Variants in DIS3L2 observed in about 807,000 individuals in gnomAD.
The protein encoded by DIS3L2 is DIS3-like exonuclease 2.
DIS3L2 carries 34 observed loss-of-function variants against 97.5 expected under a neutral mutation model. The observed-to-expected ratio is 0.35, with a 90% CI of 0.27 to 0.46. The LOEUF (loss-of-function observed/expected upper bound fraction) is 0.46, where lower values mean the gene tolerates loss of function less well. Among genes scored for constraint, DIS3L2 ranks in the 20% least tolerant of loss-of-function variants. The pLI is 1.00. For synonymous variants in DIS3L2, 435 were observed against 445.2 expected (o/e 0.98, Z 0.29); for missense variants, 1,038 against 1,146.0 (o/e 0.91, Z 1.36).
chr2:232,026,779 A>G (rs185630717), intron 4 of DIS3L2, among the ~76,000 whole-genome samples: 60 of 152,296 alleles, frequency 3.9e-4, no homozygotes, highest in Non-Finnish European at 4.1e-4. Context: ...AAGAAAGCTA[A>G]GACACAAAAG....
intron 14 of DIS3L2, among the ~76,000 whole-genome samples, chr2:232,304,682 T>G (rs1694943875): frequency 6.6e-6 from 1 of 152,218 alleles, no homozygotes; most frequent in African/African-American, 2.4e-5. Flanking sequence ...CTGGTTGGCC[T>G]CCCGGCTGTC....
At chr2:232,018,365 T>TC (rs1220540937) in intron 3 of DIS3L2, among the ~76,000 whole-genome samples, 2 of 152,058 alleles carry the variant, frequency 1.3e-5, no homozygotes, top group Admixed American at 1.3e-4. Flanking sequence ...AGCCAGGGCC[T>TC]CCCCCCTACA....
chr2:232,263,623 T>G (rs569376835), intron 13 of DIS3L2, among the ~76,000 whole-genome samples, 183 bp downstream of exon 13: 1 of 152,266 alleles, frequency 6.6e-6, no homozygotes, highest in South Asian at 2.1e-4. Context: ...ATACAGGATA[T>G]TATGCAAAAT....
At chr2:232,189,459 G>A (rs1256865309) in intron 9 of DIS3L2, among the ~76,000 whole-genome samples, 1 of 152,162 alleles carries the variant, frequency 6.6e-6, no homozygotes, top group Non-Finnish European at 1.5e-5. Context: ...GGTTACATAT[G>A]TACTGTATGA....
rs550970090 is a variant in DIS3L2, at chr2:231,962,625, C to T, written c.-94+860C>T. The stretch of plus-strand genomic sequence containing the variant: ...AATTTTTTTGTATTTTTAGTAGAGA[C>T]GGGGTTTCACCATGTTAGTCAGGAT... On this transcript the variant is annotated intron_variant, in intron 1 of 20. Coordinates refer to ENST00000325385, the MANE Select transcript of DIS3L2 (RefSeq NM_152383.5). Among the ~76,000 whole-genome samples, 4 of 152,080 alleles carry T rather than the reference C, an allele frequency of 2.6e-5. No individual in the cohort carries two copies. The South Asian group carries it at 6.2e-4, about 24-fold the overall frequency.
rs1293123995 is a variant in DIS3L2 at position 232,086,628 on chromosome 2, T to TAC, written c.367-855_367-854dup. Reference sequence around the variant, plus strand: ...GTGTGTGTGTGTATATATATATATATACACATATATATATATGTATATATA... The same window carrying TAC: ...GTGTGTGTGTGTATATATATATATATACACACATATATATATATGTATATATA... On this transcript the variant is annotated intron_variant, in intron 5 of 20. Transcript: ENST00000325385. 4.5e-3 allele frequency among the ~76,000 whole-genome samples: 437 copies of TAC among 97,644 alleles called. 11 individuals are homozygous for TAC. The highest frequency in any genetic ancestry group is 0.017 in the African/African-American group (415 of 24,230). 64.1% of individuals were successfully genotyped at this position (97,644 alleles called of 152,430 possible). A position where few individuals can be genotyped will look rare whatever the true frequency, so the allele number is the denominator to read the frequency against.
intron 6 of DIS3L2, among the ~76,000 whole-genome samples, chr2:232,124,234 A>G (rs953519892): frequency 6.6e-6 from 1 of 152,172 alleles, no homozygotes; most frequent in Non-Finnish European, 1.5e-5. Flanking sequence ...CCCTTCAAAA[A>G]TATCATCAGA....
intron 12 of DIS3L2, among the ~76,000 whole-genome samples, chr2:232,252,717 A>G (rs1265096541): frequency 1.3e-5 from 2 of 152,150 alleles, no homozygotes; most frequent in East Asian, 1.9e-4. Flanking sequence ...CTTGGGCAAC[A>G]TATTGAAACC....
chr2:232,203,296 C>T (rs562428473), intron 9 of DIS3L2, among the ~76,000 whole-genome samples: 3 of 152,266 alleles, frequency 2.0e-5, no homozygotes, highest in East Asian at 1.9e-4. Flanking sequence ...CCCAGAGTCA[C>T]GGACAGAGGA....
intron 8 of DIS3L2, among the ~76,000 whole-genome samples, chr2:232,160,635 G>A (rs1445000734): frequency 6.6e-6 from 1 of 152,090 alleles, no homozygotes; most frequent in African/African-American, 2.4e-5. Context: ...CAGCACTTTG[G>A]GAGGCCGAGG....
intron 8 of DIS3L2, among the ~76,000 whole-genome samples, chr2:232,136,959 A>G (rs1206207134): frequency 6.6e-6 from 1 of 152,102 alleles, no homozygotes; most frequent in Non-Finnish European, 1.5e-5. Context: ...TAAAACATGA[A>G]CATTCCGAGC....
intron 13 of DIS3L2, among the ~76,000 whole-genome samples, chr2:232,283,956 T>G (rs1375513498): frequency 1.3e-5 from 2 of 152,236 alleles, no homozygotes; most frequent in African/African-American, 4.8e-5. Context: ...GCTATAATTA[T>G]GTAAGATGGA....
chr2:232,207,485 TCTC>T (rs1251889534), intron 9 of DIS3L2, among the ~76,000 whole-genome samples: 1 of 152,206 alleles, frequency 6.6e-6, no homozygotes, highest in African/African-American at 2.4e-5. Context: ...GTGTTTCTCT[TCTC>T]CTCTGGCACT....
chr2:232,190,205 T>C (rs1447575145), intron 9 of DIS3L2, among the ~76,000 whole-genome samples: 1 of 152,056 alleles, frequency 6.6e-6, no homozygotes, highest in African/African-American at 2.4e-5. Flanking sequence ...TGGTGGTGCA[T>C]GCCTGTGGTT....
At chr2:232,221,869 C>G (rs776184011) in intron 10 of DIS3L2, among the ~76,000 whole-genome samples, 7 of 152,200 alleles carry the variant, frequency 4.6e-5, no homozygotes, top group Non-Finnish European at 7.3e-5. Flanking sequence ...GGTTTTGTCT[C>G]TGACATCTTC....
chr2:232,000,725 C>CT (rs35247478), intron 1 of DIS3L2, among the ~76,000 whole-genome samples: 1,170 of 91,132 alleles, frequency 0.013, 32 homozygotes, highest in Non-Finnish European at 0.018. Flanking sequence ...TCTTCTTCTT[C>CT]TTTTTTTTTT....
At chr2:232,004,620 G>C (rs551832412) in intron 1 of DIS3L2, among the ~76,000 whole-genome samples, 1 of 137,852 alleles carries the variant, frequency 7.3e-6, no homozygotes, top group South Asian at 2.3e-4. Flanking sequence ...TCACTCTGTT[G>C]CCCGGGCAGG....
At chr2:232,084,077 G>C (rs1418276122) in intron 5 of DIS3L2, among the ~76,000 whole-genome samples, 1 of 152,150 alleles carries the variant, frequency 6.6e-6, no homozygotes, top group African/African-American at 2.4e-5. Context: ...AATTTGCCAG[G>C]CATATTTAAG....
At chr2:232,213,410 G>A (rs938301218) in intron 10 of DIS3L2, among the ~76,000 whole-genome samples, 3 of 152,098 alleles carry the variant, frequency 2.0e-5, no homozygotes, top group Non-Finnish European at 4.4e-5. Context: ...ACTCTGAAAC[G>A]GCCTGAGTTG....
Sources: gnomAD v4.1 joint callset for allele counts (sites outside exome capture counted in the v4.1 genomes callset) on GRCh38, gnomAD v4.1.1 for gene constraint, MANE v1.5 for transcripts, NCBI Gene and HGNC (gene_info 2026-07-23, HGNC 2026-07-21) for gene names.